FBN1: variants seen among roughly 807,000 people sequenced by gnomAD.
FBN1 encodes the protein fibrillin-1.
A neutral mutation model predicts 365.1 loss-of-function variants in FBN1; 29 were observed. The ratio of observed to expected loss-of-function variants is 0.08; its 90% CI spans 0.06 to 0.11. The LOEUF is 0.11. Ranked by LOEUF, FBN1 falls within the 10% of genes least tolerant of loss-of-function variation. The probability of loss-of-function intolerance (pLI) is 1.00; values close to 1 mark genes in which losing one functional copy is unlikely to be tolerated. For missense variants in FBN1, 2,476 were observed against 3,703.2 expected, an observed-to-expected ratio of 0.67 and a Z score of 8.60; for synonymous variants, 1,210 against 1,270.5, an observed-to-expected ratio of 0.95 and a Z score of 1.01.
intron 6 of FBN1, among the ~76,000 whole-genome samples, chr15:48,575,547 G>C (rs1566930332): frequency 6.6e-6 from 1 of 152,000 alleles, no homozygotes. Flanking sequence ...CACTCTCTCT[G>C]TCCAAGTGTA....
chr15:48,488,606 G>C, intron 25 of FBN1, 113 bp from the exon 26 acceptor site: 1 of 1,210,026 alleles, frequency 8.3e-7, no homozygotes, highest in South Asian at 1.4e-5. Flanking sequence ...TTAAGGTCTT[G>C]GCAGTATACA....
chr15:48,529,880 G>A (rs1010297091), intron 8 of FBN1, among the ~76,000 whole-genome samples: 1 of 150,296 alleles, frequency 6.7e-6, no homozygotes, highest in African/African-American at 2.5e-5. Flanking sequence ...ACTTGAAAAT[G>A]GAGTCTGAAT....
At chr15:48,579,778 C>T (rs566168412) in intron 6 of FBN1, among the ~76,000 whole-genome samples, 64 of 152,284 alleles carry the variant, frequency 4.2e-4, no homozygotes, top group Middle Eastern at 6.8e-3. Flanking sequence ...AATAATAAAT[C>T]CCTATTTAAT....
At chr15:48,601,194 A>G (rs139603858) in intron 4 of FBN1, among the ~76,000 whole-genome samples, 1 of 152,348 alleles carries the variant, frequency 6.6e-6, no homozygotes, top group East Asian at 1.9e-4. Flanking sequence ...TGAGACACTC[A>G]GAGAAGCTGG....
At chr15:48,538,699 T>C (rs1226209742) in intron 6 of FBN1, among the ~76,000 whole-genome samples, 2 of 152,004 alleles carry the variant, frequency 1.3e-5, no homozygotes, top group Non-Finnish European at 2.9e-5. Flanking sequence ...AGGGCCATAA[T>C]ATCCATTTCC....
At chr15:48,515,352 A>T (rs1281437056) in intron 12 of FBN1, 35 bp downstream of exon 12, 1 of 1,612,828 alleles carries the variant, frequency 6.2e-7, no homozygotes, top group East Asian at 2.2e-5. Context: ...GAATTACAAC[A>T]GACCCTTGGT....
At chr15:48,438,162 T>G (rs2043087606) in intron 50 of FBN1, among the ~76,000 whole-genome samples, 1 of 152,148 alleles carries the variant, frequency 6.6e-6, no homozygotes. Context: ...AGTCACTATT[T>G]CAAAGTAACC....
intron 41 of FBN1, among the ~76,000 whole-genome samples, chr15:48,463,536 T>C (rs886827171): frequency 2.0e-5 from 3 of 152,232 alleles, no homozygotes; most frequent in Non-Finnish European, 4.4e-5. Context: ...CTAGTAACAA[T>C]TCCCTACTGC....
At chr15:48,444,425 G>C (rs2043138227) in intron 49 of FBN1, 116 bp downstream of exon 49, 8 of 1,189,390 alleles carry the variant, frequency 6.7e-6, no homozygotes, top group Non-Finnish European at 8.7e-6. Context: ...CTATGCCCTT[G>C]CATTTGTTTC....
At chr15:48,428,111 G>A in intron 57 of FBN1, 1 of 644,452 alleles carries the variant, frequency 1.6e-6, no homozygotes, top group Non-Finnish European at 2.7e-6. Context: ...TTCAAAGGCA[G>A]CCAAGAAATT....
At chr15:48,586,702 G>A (rs1046503562) in intron 6 of FBN1, among the ~76,000 whole-genome samples, 1 of 152,174 alleles carries the variant, frequency 6.6e-6, no homozygotes, top group Admixed American at 6.5e-5. Context: ...AACCCAAAAG[G>A]TGAATGATTA....
At chr15:48,493,556 G>C (rs894720844) in intron 23 of FBN1, among the ~76,000 whole-genome samples, 2 of 152,206 alleles carry the variant, frequency 1.3e-5, no homozygotes, top group African/African-American at 2.4e-5. Flanking sequence ...CTGGACCAGA[G>C]AAAGGCCAAA....
At chr15:48,428,171 G>C in intron 57 of FBN1, 175 bp downstream of exon 57, 1 of 787,632 alleles carries the variant, frequency 1.3e-6, no homozygotes. Flanking sequence ...TTTAGCTGCA[G>C]GGTGGTGCTG....
chr15:48,426,146 T>C (rs911895155), intron 58 of FBN1, among the ~76,000 whole-genome samples: 2 of 152,196 alleles, frequency 1.3e-5, no homozygotes, highest in African/African-American at 2.4e-5. Flanking sequence ...TCTGGATCCA[T>C]AGAACAGCCA....
At chr15:48,624,381 CCTAGTGTGTA>C (rs1889831884) in intron 2 of FBN1, among the ~76,000 whole-genome samples, 1 of 152,202 alleles carries the variant, frequency 6.6e-6, no homozygotes, top group African/African-American at 2.4e-5. Context: ...AACTTGCTGT[CCTAGTGTGTA>C]CTGGATCACT....
At chr15:48,581,469 G>A (rs372430681) in intron 6 of FBN1, among the ~76,000 whole-genome samples, 30 of 152,290 alleles carry the variant, frequency 2.0e-4, no homozygotes, top group African/African-American at 7.2e-4. Context: ...CCATGCCTGT[G>A]TGTTCTCAGA....
rs1423261246 is a variant in FBN1 at position 48,565,255 on chromosome 15, GAGAAATAA to G, written c.539-27455_539-27448del. ...ACATGAAAAGTTCCCTTTCTCCAGA[GAGAAATAA>G]AGCTAGAAATTCTAAGCTTTTATTA... is the stretch of plus-strand genomic sequence containing the variant. On this transcript the variant is annotated intron_variant, in intron 6 of 65. Coordinates refer to ENST00000316623, the MANE Select transcript of FBN1 (RefSeq NM_000138.5). 2.1e-4 allele frequency among the ~76,000 whole-genome samples: 32 copies of G among 152,226 alleles called. No homozygotes were observed. The East Asian group carries it at 6.0e-3, about 28-fold the overall frequency.
In FBN1 at chr15:48,492,583, A is replaced by G. The variant is rs748115094; in HGVS notation, c.2732T>C (p.Ile911Thr). 1.9e-6 allele frequency: 3 copies of G among 1,599,630 alleles called. No individual in the cohort carries two copies. Among genetic ancestry groups the G allele is most frequent in the South Asian group, 1.1e-5 (1 of 89,968 alleles). The stretch of plus-strand genomic sequence containing the variant: ...TCCTGGGAACACTTCACATTCATCT[A>G]TATCTAAAAAGAAAAAAAAAGTATA... Reference protein sequence around the residue: ...SRIKGTQCEDIDECEVFPGVC... With the variant: ...SRIKGTQCEDTDECEVFPGVC... The change falls in exon 24 of 66, where the codon ATA becomes ACA. Residue 911 changes from isoleucine to threonine, a missense_variant. Ile to Thr is a moderately conservative substitution (Grantham distance 89, BLOSUM62 -1). Transcript: ENST00000316623.
rs181891288 is a variant in FBN1, at chr15:48,512,464, C to T, written c.1588+1085G>A. Among the ~76,000 whole-genome samples the T allele has an allele frequency of 2.6e-3, 402 of 152,194 alleles. 1 individual carries two copies. Among genetic ancestry groups the T allele is most frequent in the African/African-American group, 9.4e-3 (390 of 41,524 alleles). ...CTACCCATTGGTTATTTTTCCTGAT[C>T]CTCTCCCTCCTCCAACCCTCCACCC... On this transcript the variant is annotated intron_variant, in intron 13 of 65. Coordinates refer to ENST00000316623, the MANE Select transcript of FBN1 (RefSeq NM_000138.5).
Sources: allele counts gnomAD v4.1 joint callset (sites outside exome capture counted in the v4.1 genomes callset), GRCh38; gene constraint gnomAD v4.1.1; transcripts MANE v1.5; gene names NCBI Gene and HGNC (gene_info 2026-07-23, HGNC 2026-07-21).